The following PLSCR1 variants were observed in gnomAD, a reference collection of about 807,000 sequenced individuals.
The protein encoded by PLSCR1 is phospholipid scramblase 1, also known as PL scramblase 1.
PLSCR1 carries 17 observed loss-of-function variants against 37.8 expected under a neutral mutation model. That is an observed-to-expected ratio of 0.45 (90% confidence interval 0.31 to 0.68). The LOEUF (loss-of-function observed/expected upper bound fraction) is 0.68, where lower values mean the gene tolerates loss of function less well. Among genes scored for constraint, PLSCR1 ranks in the 30% least tolerant of loss-of-function variants. The pLI is 0.06. For synonymous variants in PLSCR1, 116 were observed against 125.9 expected (o/e 0.92, Z 0.53); for missense variants, 347 against 380.9 (o/e 0.91, Z 0.74).
chr3:146,534,404 T>C (rs1328377238), intron 2 of PLSCR1, among the ~76,000 whole-genome samples: 1 of 152,162 alleles, frequency 6.6e-6, no homozygotes, highest in Non-Finnish European at 1.5e-5. Flanking sequence ...AAGTCTTTTG[T>C]TTTAGAATCA....
At chr3:146,519,730 T>C (rs2043993630) in intron 7 of PLSCR1, among the ~76,000 whole-genome samples, 1 of 152,154 alleles carries the variant, frequency 6.6e-6, no homozygotes, top group Admixed American at 6.6e-5. Context: ...GACCTAGATG[T>C]GTATTAGTAT....
At chr3:146,526,563 A>G (rs1182668108) in intron 4 of PLSCR1, among the ~76,000 whole-genome samples, 1 of 152,204 alleles carries the variant, frequency 6.6e-6, no homozygotes, top group Non-Finnish European at 1.5e-5. Context: ...AAGGAAATCA[A>G]TATGTCAGAG....
At chr3:146,539,259 G>T (rs1160486503) in intron 1 of PLSCR1, among the ~76,000 whole-genome samples, 1 of 152,142 alleles carries the variant, frequency 6.6e-6, no homozygotes, top group Admixed American at 6.5e-5. Flanking sequence ...TTCACAATAG[G>T]GTTCTTGCTC....
intron 5 of PLSCR1, among the ~76,000 whole-genome samples, chr3:146,523,713 C>A (rs1392871706): frequency 2.0e-5 from 3 of 152,172 alleles, no homozygotes; most frequent in African/African-American, 4.8e-5. Flanking sequence ...GAACTCTGCA[C>A]CTTTGCTGGG....
Position 146,533,488 on chromosome 3 carries a change from G to T in PLSCR1, c.76C>A (p.Pro26Thr), listed in dbSNP as rs1199226290. ...NLPVGYPPQY[P>T]PTAFQGPPGY... ...GCTTTACCTTGGAATGCTGTCGGTG[G>T]ATACTGAGGAGGATACCCAACTGGC... The change falls in exon 3 of 9, where the codon CCA becomes ACA. Residue 26 changes from proline to threonine, a missense_variant. By Grantham distance (38) the Pro-to-Thr change is conservative (BLOSUM62 -1). Transcript: ENST00000342435. 2 of 1,598,518 alleles carry T rather than the reference G, an allele frequency of 1.3e-6. No individual in the cohort carries two copies. Among genetic ancestry groups the T allele is most frequent in the Non-Finnish European group, 1.7e-6 (2 of 1,168,694 alleles).
At position 146,528,724 on chromosome 3, in the gene PLSCR1, C is replaced by T. The variant is rs1180808388; in HGVS notation, c.202G>A (p.Val68Met). The change falls in exon 4 of 9, where the codon GTG (valine) becomes ATG (methionine). Residue 68 changes from valine to methionine, a missense_variant. By Grantham distance (21) the Val-to-Met change is conservative (BLOSUM62 1). Transcript: ENST00000342435. Reference sequence around the variant, plus strand: ...TGATTATATACTGGCTGATTATACACTGGCTGATTTGGGACAGGAAAGCCA... The same window carrying T: ...TGATTATATACTGGCTGATTATACATTGGCTGATTTGGGACAGGAAAGCCA... ...PAGFPVPNQP[V>M]YNQPVYNQPV... 2 of 1,614,180 alleles carry T rather than the reference C, an allele frequency of 1.2e-6. No homozygotes were observed. Among genetic ancestry groups the T allele is most frequent in the Non-Finnish European group, 8.5e-7 (1 of 1,180,022 alleles).
chr3:146,527,965 T>C (rs151192270), intron 4 of PLSCR1: 31 of 152,322 alleles, frequency 2.0e-4, no homozygotes, highest in African/African-American at 7.2e-4. Context: ...CCTTTATTAA[T>C]GGCATTTATA....
intron 8 of PLSCR1, 99 bp from the exon 9 acceptor site, chr3:146,516,200 C>T (rs2043943838): frequency 3.1e-6 from 2 of 640,886 alleles, no homozygotes; most frequent in Non-Finnish European, 5.4e-6. Context: ...AACACAGTAA[C>T]AAATCTGTTA....
intron 3 of PLSCR1, among the ~76,000 whole-genome samples, chr3:146,529,657 C>G (rs1047644649): frequency 6.6e-6 from 1 of 152,014 alleles, no homozygotes; most frequent in Non-Finnish European, 1.5e-5. Context: ...GAACTACAGG[C>G]GCCCACCACC....
At chr3:146,527,649 C>T (rs1303154774) in intron 4 of PLSCR1, among the ~76,000 whole-genome samples, 1 of 151,978 alleles carries the variant, frequency 6.6e-6, no homozygotes, top group Admixed American at 6.6e-5. Flanking sequence ...TTATGAGACT[C>T]TGATTTTTAA....
chr3:146,532,597 A>C lies in PLSCR1; in HGVS notation c.94+873T>G, dbSNP rs150475283. ...AGGGAGGTTTCTTGCTAGGCAATTA[A>C]ACATGACATTCAGCTCCTAAGCACA... On this transcript the variant is annotated intron_variant, in intron 3 of 8. Transcript: ENST00000342435. Among the ~76,000 whole-genome samples, 901 of 152,306 alleles carry C rather than the reference A, an allele frequency of 5.9e-3. 13 individuals carry two copies. Among genetic ancestry groups the C allele is most frequent in the African/African-American group, 0.02 (848 of 41,550 alleles).
intron 7 of PLSCR1, 65 bp downstream of exon 7, chr3:146,521,479 C>T: frequency 7.4e-7 from 1 of 1,347,456 alleles, no homozygotes; most frequent in Non-Finnish European, 1.0e-6. Flanking sequence ...TTTATAATGT[C>T]CTGCAAAATT....
chr3:146,525,686 A>G, intron 4 of PLSCR1, 39 bp from the exon 5 acceptor site: 1 of 989,496 alleles, frequency 1.0e-6, no homozygotes, highest in Non-Finnish European at 1.5e-6. Flanking sequence ...GTATATGTCA[A>G]ATGAAGGTTT....
In PLSCR1 at chr3:146,518,909, T is replaced by A. The variant is rs1319464178; in HGVS notation, c.739-1742A>T. On this transcript the variant is annotated intron_variant, in intron 7 of 8. Transcript: ENST00000342435. ...TTCAAATCCATGAGTGCAATACTAA[T>A]TGGTAAAAGCATTCTAAAAAGAAAA... is the stretch of plus-strand genomic sequence containing the variant. Among the ~76,000 whole-genome samples the A allele has an allele frequency of 4.6e-5, 7 of 152,292 alleles. No homozygotes were observed. In the East Asian group the frequency reaches 1.3e-3, roughly 29 times the overall value.
At chr3:146,531,219 C>T (rs991207679) in intron 3 of PLSCR1, among the ~76,000 whole-genome samples, 2 of 152,182 alleles carry the variant, frequency 1.3e-5, no homozygotes, top group Non-Finnish European at 2.9e-5. Flanking sequence ...AGAGCAACGT[C>T]CTGGGACAGT....
intron 1 of PLSCR1, among the ~76,000 whole-genome samples, chr3:146,541,445 C>T (rs1458828597): frequency 1.3e-5 from 2 of 152,074 alleles, no homozygotes; most frequent in African/African-American, 4.8e-5. Flanking sequence ...GCTTCCTTTC[C>T]TCCTAATAAA....
chr3:146,534,997 C>T (rs150786545), intron 2 of PLSCR1, among the ~76,000 whole-genome samples: 2 of 152,052 alleles, frequency 1.3e-5, no homozygotes, highest in African/African-American at 4.8e-5. Flanking sequence ...CTCTGAAACT[C>T]CCCATCATTC....
At chr3:146,530,505 G>T (rs944542547) in intron 3 of PLSCR1, among the ~76,000 whole-genome samples, 26 of 152,124 alleles carry the variant, frequency 1.7e-4, no homozygotes, top group African/African-American at 6.0e-4. Flanking sequence ...AAATTCATAT[G>T]GATGTGATGG....
intron 3 of PLSCR1, among the ~76,000 whole-genome samples, 171 bp downstream of exon 3, chr3:146,533,296 AATC>A (rs2044222344): frequency 6.6e-6 from 1 of 152,212 alleles, no homozygotes; most frequent in African/African-American, 2.4e-5. Flanking sequence ...AAATAAAAAT[AATC>A]AAGAACAACT....
Sources: gnomAD v4.1 joint callset for allele counts (sites outside exome capture counted in the v4.1 genomes callset) on GRCh38, gnomAD v4.1.1 for gene constraint, MANE v1.5 for transcripts, NCBI Gene and HGNC (gene_info 2026-07-23, HGNC 2026-07-21) for gene names.